The following SRCAP variants were observed in gnomAD, a reference collection of about 807,000 sequenced individuals.
SRCAP encodes chromatin remodeling protein SRCAP.
In SRCAP, 46 loss-of-function variants were observed where a neutral mutation model predicts 263.1. That is an observed-to-expected ratio of 0.17 (90% CI 0.14 to 0.22). The LOEUF (loss-of-function observed/expected upper bound fraction) is 0.22, where lower values mean the gene tolerates loss of function less well. Among genes scored for constraint, SRCAP ranks in the 10% least tolerant of loss-of-function variants. The pLI is 1.00. For synonymous variants in SRCAP, 1,813 were observed against 1,662.1 expected (o/e 1.09, Z -2.21); for missense variants, 3,695 against 4,181.9 (o/e 0.88, Z 3.21).
chr16:30,701,475 G>C (rs1224331994), intron 3 of SRCAP: 3 of 152,172 alleles, frequency 2.0e-5, no homozygotes, highest in African/African-American at 7.2e-5. Context: ...GGTATTTATA[G>C]TTTTCCTGAG....
Position 30,739,419 on chromosome 16 carries a change from C to G in SRCAP, c.9379C>G (p.Leu3127Val). ...CTCGACCCGGCTGCGTCCAGGGTCTCTAGTCCCCCCACTAGAGACTGAGAA... is the reference window on the plus strand; with the variant it reads ...CTCGACCCGGCTGCGTCCAGGGTCTGTAGTCCCCCCACTAGAGACTGAGAA... ...LRSTRLRPGS[L>V]VPPLETEKLP... The change falls in exon 34 of 34, where the codon CTA becomes GTA. Residue 3127 changes from leucine to valine, a missense_variant. Coordinates refer to ENST00000262518, the MANE Select transcript of SRCAP (RefSeq NM_006662.3). 6.2e-7 allele frequency: 1 copy of G among 1,614,246 alleles called. No homozygotes were observed. The highest frequency in any genetic ancestry group is 8.5e-7 in the Non-Finnish European group (1 of 1,180,042).
chr16:30,712,835 C>G lies in SRCAP; in HGVS notation c.2130+20C>G. ...CGGCAGGTTCGATGTTTCATGTGGT[C>G]ACTTTCCTCCCATTGATGCCTCCTT... is the stretch of plus-strand genomic sequence containing the variant. On this transcript the variant is annotated intron_variant, in intron 14 of 33. Transcript: ENST00000262518. The G allele has an allele frequency of 6.2e-7, 1 of 1,612,432 alleles. No homozygotes were observed. The highest frequency in any genetic ancestry group is 8.5e-7 in the Non-Finnish European group (1 of 1,179,014).
chr16:30,719,494 C>T (rs1263386901), intron 18 of SRCAP, among the ~76,000 whole-genome samples: 1 of 151,802 alleles, frequency 6.6e-6, no homozygotes, highest in Non-Finnish European at 1.5e-5. Flanking sequence ...GGATTACAGG[C>T]GTGAGCCACC....
At chr16:30,728,889 C>T in intron 25 of SRCAP, 77 bp from the exon 26 acceptor site, 1 of 1,476,398 alleles carries the variant, frequency 6.8e-7, no homozygotes, top group Non-Finnish European at 9.0e-7. Flanking sequence ...ATATTTATTT[C>T]CATCTGGGAA....
rs1053594845 is a variant in SRCAP at position 30,736,073 on chromosome 16, G to A, written c.6730-127G>A. 6 of 1,078,502 alleles carry A rather than the reference G, an allele frequency of 5.6e-6. No individual in the cohort carries two copies. The Admixed American group carries it at 1.4e-4, about 26-fold the overall frequency. 66.8% of individuals were successfully genotyped at this position (1,078,502 alleles called of 1,614,324 possible). On this transcript the variant is annotated intron_variant, in intron 31 of 33. Coordinates refer to ENST00000262518, the MANE Select transcript of SRCAP (RefSeq NM_006662.3). ...TTGTGGTAACTCTGGAGGCCTAGGAGGTTGTTGAGTTCTGTTGCAAACCTA... is the reference window on the plus strand; with the variant it reads ...TTGTGGTAACTCTGGAGGCCTAGGAAGTTGTTGAGTTCTGTTGCAAACCTA...
At chr16:30,729,333 T>A (rs772890285) in intron 26 of SRCAP, 37 bp from the exon 27 acceptor site, 3 of 1,611,742 alleles carry the variant, frequency 1.9e-6, no homozygotes, top group Admixed American at 3.3e-5. Context: ...CATTTCAGAG[T>A]CCCATCTTTT....
chr16:30,700,111 T>C (rs1251402197), intron 2 of SRCAP, 130 bp downstream of exon 2: 1 of 152,190 alleles, frequency 6.6e-6, no homozygotes, highest in Non-Finnish European at 1.5e-5. Flanking sequence ...GATTTTTCTG[T>C]AGAGGGTTTG....
At position 30,723,726 on chromosome 16, in the gene SRCAP, A is replaced by G. The variant is rs775452470; in HGVS notation, c.4302A>G (p.Pro1434=). ...CTGTGTCCTCTACAGTCTCAGTTCCATTGTCATCTTCACTCCCCATCTCTG... is the reference window on the plus strand; with the variant it reads ...CTGTGTCCTCTACAGTCTCAGTTCCGTTGTCATCTTCACTCCCCATCTCTG... ...ASPVSSTVSV[P]LSSSLPISVP... The change falls in exon 25 of 34, where the codon CCA becomes CCG. Residue 1434 remains proline (P), a synonymous_variant. Coordinates refer to ENST00000262518, the MANE Select transcript of SRCAP (RefSeq NM_006662.3). 27 of 1,613,486 alleles carry G rather than the reference A, an allele frequency of 1.7e-5. 1 individual carries two copies. The South Asian group carries it at 2.6e-4, about 16-fold the overall frequency.
chr16:30,723,825 T>A lies in SRCAP; in HGVS notation c.4401T>A (p.Ala1467=), dbSNP rs1408605418. The A allele has an allele frequency of 5.0e-6, 8 of 1,614,004 alleles. No homozygotes were observed. The highest frequency in any genetic ancestry group is 6.8e-6 in the Non-Finnish European group (8 of 1,180,030). The stretch of plus-strand genomic sequence containing the variant: ...TCTCAGCCCCCTTGACTGTTTCTGC[T>A]TCGGGCCCAGCTCTGTTGACCAGTG... The part of the protein sequence containing the change: ...IPISAPLTVS[A]SGPALLTSVT... Residue 1467 remains alanine (A), a synonymous_variant, in exon 25 of 34, where the codon GCT becomes GCA. Coordinates refer to ENST00000262518, the MANE Select transcript of SRCAP (RefSeq NM_006662.3).
intron 21 of SRCAP, 117 bp downstream of exon 21, chr16:30,721,593 G>T: frequency 1.4e-6 from 2 of 1,385,302 alleles, no homozygotes; most frequent in Non-Finnish European, 1.9e-6. Context: ...TATAATCCCG[G>T]TGCTTTGGGA....
chr16:30,726,302 A>T (rs2053063946), intron 25 of SRCAP: 1 of 152,208 alleles, frequency 6.6e-6, no homozygotes, highest in Admixed American at 6.5e-5. Flanking sequence ...TATGGTTGTT[A>T]TGAACAATGC....
intron 25 of SRCAP, chr16:30,725,711 A>G (rs1567249209): frequency 2.0e-5 from 3 of 152,176 alleles, no homozygotes; most frequent in Non-Finnish European, 4.4e-5. Context: ...GCCTCTTGCC[A>G]CTTGGTTTTT....
chr16:30,702,545 C>T (rs2052777719), intron 3 of SRCAP, among the ~76,000 whole-genome samples: 1 of 143,342 alleles, frequency 7.0e-6, no homozygotes, highest in Middle Eastern at 4.0e-3. Flanking sequence ...TGTTTTCCAC[C>T]CTCCTTCCCT....
rs2151300927 is a variant in SRCAP at position 30,738,710 on chromosome 16, T to C, written c.8670T>C (p.Asn2890=). ...APSSTLKGKT[N]GADPVPGPET... is the part of the protein sequence containing the mutation. ...CATCCACCTTGAAGGGAAAAACCAA[T>C]GGGGCTGACCCAGTCCCTGGGCCTG... Residue 2890 remains asparagine (N), a synonymous_variant, in exon 34 of 34, where the codon AAT becomes AAC. Transcript: ENST00000262518. 2 of 1,613,974 alleles carry C rather than the reference T, an allele frequency of 1.2e-6. No individual in the cohort carries two copies. The highest frequency in any genetic ancestry group is 1.7e-6 in the Non-Finnish European group (2 of 1,179,980).
intron 5 of SRCAP, 94 bp from the exon 6 acceptor site, chr16:30,707,478 A>G: frequency 6.2e-7 from 1 of 1,605,576 alleles, no homozygotes; most frequent in Non-Finnish European, 8.5e-7. Flanking sequence ...CAAACTCTTG[A>G]TTTTCCAGAT....
chr16:30,716,518 C>T (rs369358694), intron 18 of SRCAP, 39 bp downstream of exon 18: 44 of 1,557,958 alleles, frequency 2.8e-5, no homozygotes, highest in Admixed American at 3.8e-5. Context: ...TAAAGGTTAT[C>T]GGCATTACTC....
At chr16:30,702,009 AGTG>A (rs2052772399) in intron 3 of SRCAP, among the ~76,000 whole-genome samples, 1 of 150,280 alleles carries the variant, frequency 6.7e-6, no homozygotes, top group Non-Finnish European at 1.5e-5. Flanking sequence ...GCTGAAATGC[AGTG>A]GTGTGATCTT....
chr16:30,730,587 A>G (rs1415602152), intron 27 of SRCAP, among the ~76,000 whole-genome samples: 7 of 152,020 alleles, frequency 4.6e-5, no homozygotes. Flanking sequence ...GCACACCACC[A>G]CACCCGGCTA....
chr16:30,720,753 G>A lies in SRCAP; in HGVS notation c.3028G>A (p.Val1010Met). ...ACCTAAGCAAGAAGGCCGGACAGTGGTGGTGGTGAACAACCCACGGGCGCC... is the reference window on the plus strand; with the variant it reads ...ACCTAAGCAAGAAGGCCGGACAGTGATGGTGGTGAACAACCCACGGGCGCC... ...PVPKQEGRTV[V>M]VVNNPRAPLG... Residue 1010 changes from valine (V) to methionine (M), a missense_variant, in exon 20 of 34, where the codon GTG becomes ATG. Physicochemically the swap from Val to Met is conservative, Grantham distance 21 (BLOSUM62 1). Around this residue, in one of 12 missense-constraint regions of SRCAP, gnomAD observed 1,347 missense variants for 1,304.4 expected, o/e 1.03. Coordinates refer to ENST00000262518, the MANE Select transcript of SRCAP (RefSeq NM_006662.3). The A allele has an allele frequency of 6.2e-7, 1 of 1,613,272 alleles. No homozygotes were observed.
Sources: gnomAD v4.1 joint callset for allele counts (sites outside exome capture counted in the v4.1 genomes callset) on GRCh38, gnomAD v4.1.1 for gene constraint, gnomAD v4.1.1 regional missense constraint, MANE v1.5 for transcripts, NCBI Gene and HGNC (gene_info 2026-07-23, HGNC 2026-07-21) for gene names.